Variants in TUNAR observed in about 807,000 individuals in gnomAD.
The protein encoded by TUNAR is transmembrane neural differentiation associated intracellular calcium regulator, also known as protein TUNAR.
At chr14:95,877,887 A>G (rs1888916895) in intron 2 of TUNAR, among the ~76,000 whole-genome samples, 1 of 152,188 alleles carries the variant, frequency 6.6e-6, no homozygotes, top group Non-Finnish European at 1.5e-5. Context: ...TGAGAGGATA[A>G]TATGTTTTCC....
At chr14:95,889,570 C>G (rs923029446) in intron 2 of TUNAR, among the ~76,000 whole-genome samples, 4 of 152,144 alleles carry the variant, frequency 2.6e-5, no homozygotes, top group Non-Finnish European at 5.9e-5. Flanking sequence ...TCTCTGCACC[C>G]TGGGCAAGCC....
At chr14:95,908,656 A>G (rs905808079) in intron 2 of TUNAR, among the ~76,000 whole-genome samples, 1 of 152,224 alleles carries the variant, frequency 6.6e-6, no homozygotes, top group Non-Finnish European at 1.5e-5. Context: ...AGTTGGGATC[A>G]CAAGAGTCTC....
In TUNAR at chr14:95,895,873, G is replaced by T. The variant is rs1889255742; in HGVS notation, c.12+18696G>T. 1 of 152,224 alleles carries T rather than the reference G, an allele frequency of 6.6e-6. No individual in the cohort carries two copies. Among genetic ancestry groups the T allele is most frequent in the Admixed American group, 6.5e-5 (1 of 15,278 alleles). The allele number at this position is 152,224 out of a possible 1,614,324, so 9.4% of individuals were successfully genotyped here. A position where few individuals can be genotyped will look rare whatever the true frequency, so the allele number is the denominator to read the frequency against. On this transcript the variant is annotated intron_variant, in intron 2 of 2. Transcript: ENST00000678517. The surrounding 1 kb of genome is among the most constrained non-coding windows in gnomAD (Gnocchi z 4.5). ...CCTTCCACTGCAGGCTGTTGCTCCG[G>T]TGTCTCTGGGCTGCTCCACCACGTG...
chr14:95,892,358 G>A (rs1566786781), intron 2 of TUNAR, among the ~76,000 whole-genome samples: 4 of 152,226 alleles, frequency 2.6e-5, no homozygotes, highest in Admixed American at 6.5e-5. Flanking sequence ...TGCCGCTTTC[G>A]CATCTGTCTG....
At chr14:95,925,291 T>A (rs1356310858) in exon 3 of TUNAR, 1 of 152,068 alleles carries the variant, frequency 6.6e-6, no homozygotes, top group Non-Finnish European at 1.5e-5. Context: ...CCCTTGGGGG[T>A]CCGGAGGCTG....
exon 3 of TUNAR, chr14:95,925,086 G>C (rs1889765235): frequency 6.6e-6 from 1 of 152,274 alleles, no homozygotes; most frequent in Non-Finnish European, 1.5e-5. Flanking sequence ...AGGGCGTACT[G>C]TGTGCCCAGG....
At chr14:95,918,388 A>G (rs1458604628) in intron 2 of TUNAR, among the ~76,000 whole-genome samples, 2 of 152,192 alleles carry the variant, frequency 1.3e-5, no homozygotes, top group African/African-American at 2.4e-5. Flanking sequence ...CCTGGATTCT[A>G]TGAGTCTCCT....
intron 2 of TUNAR, among the ~76,000 whole-genome samples, chr14:95,894,057 A>G (rs1306868873): frequency 6.6e-6 from 1 of 152,364 alleles, no homozygotes; most frequent in East Asian, 1.9e-4. Context: ...ATGACTGCTC[A>G]GGGAAACTGG....
chr14:95,892,123 T>G (rs905258753), intron 2 of TUNAR, among the ~76,000 whole-genome samples: 2 of 152,340 alleles, frequency 1.3e-5, no homozygotes, highest in South Asian at 2.1e-4. Context: ...AGCATATCTT[T>G]TGGGGGGACA....
chr14:95,912,564 CT>C (rs1566791349), intron 2 of TUNAR, among the ~76,000 whole-genome samples: 1 of 152,160 alleles, frequency 6.6e-6, no homozygotes, highest in Non-Finnish European at 1.5e-5. Context: ...CAGTCAACCA[CT>C]TTTTCCCCCT....
chr14:95,897,075 G>C (rs1435733048), intron 2 of TUNAR, among the ~76,000 whole-genome samples: 1 of 152,208 alleles, frequency 6.6e-6, no homozygotes, highest in African/African-American at 2.4e-5. Flanking sequence ...AAATCAAATT[G>C]TATAGGCAAG....
chr14:95,899,105 A>G (rs943784738), intron 2 of TUNAR, among the ~76,000 whole-genome samples: 3 of 152,176 alleles, frequency 2.0e-5, no homozygotes, highest in South Asian at 2.1e-4. Context: ...TGCTGATTGC[A>G]TGGAGGCTGG....
At chr14:95,911,987 C>G (rs1402915651) in intron 2 of TUNAR, among the ~76,000 whole-genome samples, 1 of 152,202 alleles carries the variant, frequency 6.6e-6, no homozygotes, top group African/African-American at 2.4e-5. Context: ...TTTTCAAATT[C>G]CAGCCTCTCA....
chr14:95,884,161 G>A (rs956722377), intron 2 of TUNAR, among the ~76,000 whole-genome samples: 1 of 152,112 alleles, frequency 6.6e-6, no homozygotes, highest in Non-Finnish European at 1.5e-5. Context: ...TTCCCGTATG[G>A]TAGCCAGAGT....
At chr14:95,911,711 A>T (rs1440397075) in intron 2 of TUNAR, among the ~76,000 whole-genome samples, 1 of 152,230 alleles carries the variant, frequency 6.6e-6, no homozygotes, top group Non-Finnish European at 1.5e-5. Flanking sequence ...GAGCCACTCC[A>T]TTGAAAGCAG....
intron 2 of TUNAR, among the ~76,000 whole-genome samples, chr14:95,884,665 C>T (rs1333236064): frequency 6.6e-6 from 1 of 152,190 alleles, no homozygotes; most frequent in Non-Finnish European, 1.5e-5. Context: ...TGGATATAGA[C>T]TGCAACCCTC....
chr14:95,887,480 A>G (rs184509718), intron 2 of TUNAR, among the ~76,000 whole-genome samples: 8 of 152,368 alleles, frequency 5.3e-5, no homozygotes, highest in Non-Finnish European at 1.2e-4. Context: ...GCTGACTTCA[A>G]AACAGTCAAA....
At chr14:95,880,580 G>A (rs1888964912) in intron 2 of TUNAR, among the ~76,000 whole-genome samples, 1 of 152,212 alleles carries the variant, frequency 6.6e-6, no homozygotes, top group African/African-American at 2.4e-5. Flanking sequence ...TTAGGGTTCA[G>A]GGGACTTGGA....
intron 2 of TUNAR, among the ~76,000 whole-genome samples, chr14:95,898,515 T>C (rs898274368): frequency 1.6e-4 from 24 of 152,254 alleles, no homozygotes; most frequent in Non-Finnish European, 5.9e-5. Context: ...TTGTCAGCTC[T>C]AAAATCTTCC....
Sources: gnomAD v4.1 joint callset for allele counts (sites outside exome capture counted in the v4.1 genomes callset) on GRCh38, gnomAD v4.1.1 for gene constraint, Gnocchi (gnomAD v3.1) non-coding constraint, MANE v1.5 for transcripts, NCBI Gene and HGNC (gene_info 2026-07-23, HGNC 2026-07-21) for gene names.